The following FRMD4A variants were observed in gnomAD, a reference collection of about 807,000 sequenced individuals.
FRMD4A encodes the protein FERM domain-containing protein 4A.
In FRMD4A, 29 loss-of-function variants were observed where a neutral mutation model predicts 129.1. That is an observed-to-expected ratio of 0.22 (90% CI 0.17 to 0.31). The LOEUF (loss-of-function observed/expected upper bound fraction) is 0.31, where lower values mean the gene tolerates loss of function less well. FRMD4A is among the 10% of genes least tolerant of loss of function. FRMD4A has a pLI of 1.00. For synonymous variants in FRMD4A, 634 were observed against 571.6 expected, an observed-to-expected ratio of 1.11 and a Z score of -1.56; for missense variants, 1,272 against 1,375.8, an observed-to-expected ratio of 0.92 and a Z score of 1.19.
intron 2 of FRMD4A, among the ~76,000 whole-genome samples, chr10:14,049,533 CGTAAA>C (rs752875158): frequency 2.6e-5 from 4 of 152,166 alleles, no homozygotes; most frequent in East Asian, 1.9e-4. Flanking sequence ...TTCATAATGT[CGTAAA>C]GTAAATATTT....
At chr10:14,303,747 T>A (rs891095626) in intron 2 of FRMD4A, among the ~76,000 whole-genome samples, 1 of 152,136 alleles carries the variant, frequency 6.6e-6, no homozygotes, top group African/African-American at 2.4e-5. Context: ...AGTAGCTTTT[T>A]CCCCCTCTTC....
Position 13,651,668 on chromosome 10 carries a change from G to A in FRMD4A, c.*2+235C>T, listed in dbSNP as rs1276656680. The A allele has an allele frequency of 7.6e-6, 4 of 525,358 alleles. No individual in the cohort carries two copies. In the East Asian group the frequency reaches 1.0e-4, roughly 13 times the overall value. The allele number at this position is 525,358 out of a possible 1,614,324, so 32.5% of individuals were successfully genotyped here. A position where few individuals can be genotyped will look rare whatever the true frequency, so the allele number is the denominator to read the frequency against. ...AGCCTGGGCAACAGAACAAGACTCTGTCTCAAAACAAAACATACTCTGGGG... is the reference window on the plus strand; with the variant it reads ...AGCCTGGGCAACAGAACAAGACTCTATCTCAAAACAAAACATACTCTGGGG... On this transcript the variant is annotated intron_variant, in intron 24 of 24. Transcript: ENST00000357447.
At chr10:13,660,989 T>G (rs1307866136) in intron 19 of FRMD4A, among the ~76,000 whole-genome samples, 1 of 152,084 alleles carries the variant, frequency 6.6e-6, no homozygotes, top group Non-Finnish European at 1.5e-5. Flanking sequence ...TGCTGCTAGA[T>G]CCTCAGCCGA....
rs138859854 is a variant in FRMD4A at position 13,685,125 on chromosome 10, T to C, written c.1117+8773A>G. On this transcript the variant is annotated intron_variant, in intron 15 of 24. Coordinates refer to ENST00000357447, the MANE Select transcript of FRMD4A (RefSeq NM_018027.5). ...AACGTGTCATCTCTGGGGACTGTTATAGAGAATTAGATGTGATTTTTAACA... is the reference window on the plus strand; with the variant it reads ...AACGTGTCATCTCTGGGGACTGTTACAGAGAATTAGATGTGATTTTTAACA... 161 of 984,542 alleles carry C rather than the reference T, an allele frequency of 1.6e-4. No individual in the cohort carries two copies. In the African/African-American group the frequency reaches 2.5e-3, roughly 16 times the overall value. 61.0% of individuals were successfully genotyped at this position (984,542 alleles called of 1,614,324 possible). A position where few individuals can be genotyped will look rare whatever the true frequency, so the allele number is the denominator to read the frequency against.
At chr10:13,787,206 G>A (rs988152610) in intron 5 of FRMD4A, among the ~76,000 whole-genome samples, 3 of 152,196 alleles carry the variant, frequency 2.0e-5, no homozygotes, top group African/African-American at 7.2e-5. Context: ...TTATCACCAA[G>A]ACGACAGCCT....
At chr10:14,146,669 C>G (rs1420652571) in intron 2 of FRMD4A, among the ~76,000 whole-genome samples, 2 of 152,154 alleles carry the variant, frequency 1.3e-5, no homozygotes, top group Admixed American at 6.5e-5. Context: ...ACTAATGACT[C>G]AACACGGCAC....
intron 2 of FRMD4A, among the ~76,000 whole-genome samples, chr10:14,092,175 A>T (rs577866750): frequency 7.7e-6 from 1 of 130,096 alleles, no homozygotes; most frequent in South Asian, 2.6e-4. Flanking sequence ...CAGGTTTCTT[A>T]GGTCTGCTCC....
At chr10:13,890,627 T>C (rs1544021) in intron 2 of FRMD4A, 978,172 of 985,352 alleles carry the variant, frequency 0.99, 485,906 homozygotes, top group East Asian at 1. Context: ...CTTTCATCAC[T>C]ATCTGTGAGG....
chr10:13,657,144 G>GC lies in FRMD4A; in HGVS notation c.2444dup (p.Ala816ArgfsTer184). On this transcript the variant is annotated frameshift_variant, in exon 22 of 25. Coordinates refer to ENST00000357447, the MANE Select transcript of FRMD4A (RefSeq NM_018027.5). LOFTEE classifies it high-confidence loss of function. ...TGTGCAGGTACACACCGCCCCCCGC[G>GC]CCCCCCGCGCCCCCCGCACCCCCGC... The GC allele has an allele frequency of 5.1e-6, 7 of 1,380,518 alleles. No homozygotes were observed. Among genetic ancestry groups the GC allele is most frequent in the Middle Eastern group, 2.6e-4 (1 of 3,906 alleles). 85.5% of individuals were successfully genotyped at this position (1,380,518 alleles called of 1,614,324 possible).
In FRMD4A at chr10:13,660,357, G is replaced by C. The variant is rs2082542146; in HGVS notation, c.1857C>G (p.Pro619=). The C allele has an allele frequency of 1.2e-6, 2 of 1,614,058 alleles. No individual in the cohort carries two copies. Among genetic ancestry groups the C allele is most frequent in the Non-Finnish European group, 1.7e-6 (2 of 1,179,924 alleles). The part of the protein sequence containing the change: ...KMWSESSLDE[P]YEKVKKRSSH... ...AGGAGCGCTTCTTGACCTTCTCATA[G>C]GGTTCATCTAAAGAGGACTCACTCC... The change falls in exon 20 of 25, where the codon CCC becomes CCG. Residue 619 remains proline, a synonymous_variant. Coordinates refer to ENST00000357447, the MANE Select transcript of FRMD4A (RefSeq NM_018027.5).
At chr10:13,673,768 GCT>G (rs1491166437) in intron 16 of FRMD4A, among the ~76,000 whole-genome samples, 8 of 133,440 alleles carry the variant, frequency 6.0e-5, no homozygotes, top group African/African-American at 2.4e-4. Context: ...AGAAAGCATT[GCT>G]TTTTTTTTTT....
chr10:13,685,216 T>C, intron 15 of FRMD4A: 1 of 984,614 alleles, frequency 1.0e-6, no homozygotes, highest in South Asian at 4.7e-5. Flanking sequence ...AATAGTTCAT[T>C]TCAGAGAGCA....
intron 12 of FRMD4A, among the ~76,000 whole-genome samples, chr10:13,715,841 G>T (rs1487817433): frequency 6.6e-6 from 1 of 151,296 alleles, no homozygotes; most frequent in Admixed American, 6.6e-5. Flanking sequence ...GGGAGGCGGA[G>T]GTTGCAGTGA....
intron 9 of FRMD4A, among the ~76,000 whole-genome samples, chr10:13,747,048 C>T (rs2091327956): frequency 6.6e-6 from 1 of 152,098 alleles, no homozygotes; most frequent in South Asian, 2.1e-4. Flanking sequence ...TCCCACGTCT[C>T]AAAACCTCAC....
chr10:14,065,456 C>T (rs1189972698), intron 2 of FRMD4A, among the ~76,000 whole-genome samples: 1 of 152,182 alleles, frequency 6.6e-6, no homozygotes, highest in Non-Finnish European at 1.5e-5. Context: ...GCTGGGCTTG[C>T]AGATGTGAGC....
intron 2 of FRMD4A, among the ~76,000 whole-genome samples, chr10:14,172,728 A>G (rs1004614081): frequency 8.5e-5 from 13 of 152,238 alleles, no homozygotes; most frequent in South Asian, 4.1e-4. Context: ...GTAGGGGATC[A>G]TGAAACAGCA....
chr10:13,864,838 A>G (rs1370420686), intron 2 of FRMD4A, among the ~76,000 whole-genome samples: 2 of 152,090 alleles, frequency 1.3e-5, no homozygotes, highest in Non-Finnish European at 2.9e-5. Flanking sequence ...TGGCCTCCCA[A>G]AATGATGCAA....
chr10:14,316,966 A>C (rs1846764646), intron 2 of FRMD4A, among the ~76,000 whole-genome samples: 1 of 152,182 alleles, frequency 6.6e-6, no homozygotes, highest in East Asian at 1.9e-4. Context: ...AAACTCAAGA[A>C]TCCACACTCT....
intron 2 of FRMD4A, among the ~76,000 whole-genome samples, chr10:13,925,315 C>T (rs188456113): frequency 2.0e-5 from 3 of 152,144 alleles, no homozygotes; most frequent in African/African-American, 7.2e-5. Context: ...ACAAAGAATT[C>T]CCTCTAATCA....
Sources: allele counts gnomAD v4.1 joint callset (sites outside exome capture counted in the v4.1 genomes callset), GRCh38; gene constraint gnomAD v4.1.1; transcripts MANE v1.5; gene names NCBI Gene and HGNC (gene_info 2026-07-23, HGNC 2026-07-21).